SACS: variants seen among roughly 807,000 people sequenced by gnomAD.
SACS encodes sacsin molecular chaperone, also known as sacsin.
SACS carries 197 observed loss-of-function variants against 348.0 expected under a neutral mutation model. The ratio of observed to expected loss-of-function variants is 0.57; its 90% CI spans 0.50 to 0.64. The LOEUF is 0.64. Ranked by LOEUF, SACS falls within the 30% of genes least tolerant of loss-of-function variation. SACS has a pLI of 0.00. For missense variants in SACS, 4,999 were observed against 5,360.8 expected, an observed-to-expected ratio of 0.93 and a Z score of 2.11; for synonymous variants, 1,985 against 1,910.6, an observed-to-expected ratio of 1.04 and a Z score of -1.02.
chr13:23,386,982 A>G (rs1378859945), intron 2 of SACS, among the ~76,000 whole-genome samples: 1 of 152,178 alleles, frequency 6.6e-6, no homozygotes, highest in East Asian at 1.9e-4. Context: ...CAATTACAAT[A>G]GTGACACCAT....
At chr13:23,367,269 T>G (rs1295034003) in intron 5 of SACS, among the ~76,000 whole-genome samples, 1 of 152,234 alleles carries the variant, frequency 6.6e-6, no homozygotes, top group Non-Finnish European at 1.5e-5. Context: ...TGCTGAAAGA[T>G]GGACTGCTCC....
At position 23,336,248 on chromosome 13, in the gene SACS, T is replaced by G; in HGVS notation, c.7628A>C (p.Lys2543Thr). ...TTGAAGAAGCTCTTTCAACATTTCC[T>G]TTTCAGAAGGATATGCATTAAGGAT... The part of the protein sequence containing the change: ...KSILNAYPSE[K>T]EMLKELLQNA... The change falls in exon 10 of 10, where the codon AAG becomes ACG. Residue 2543 changes from lysine to threonine, a missense_variant. By Grantham distance (78) the Lys-to-Thr change is moderately conservative. Around this residue, in one of 6 missense-constraint regions of SACS, gnomAD observed 3,156 missense variants for 3,380.1 expected, o/e 0.93. Coordinates refer to ENST00000382292, the MANE Select transcript of SACS (RefSeq NM_014363.6). 6.2e-7 allele frequency: 1 copy of G among 1,614,090 alleles called. No homozygotes were observed. Among genetic ancestry groups the G allele is most frequent in the Non-Finnish European group, 8.5e-7 (1 of 1,179,946 alleles).
At chr13:23,429,373 T>TTTTC (rs1318392211) in intron 1 of SACS, among the ~76,000 whole-genome samples, 1 of 131,840 alleles carries the variant, frequency 7.6e-6, no homozygotes, top group Non-Finnish European at 1.6e-5. Context: ...TTTTTTTTTT[T>TTTTC]TTTTTTTGAG....
rs755248298 is a variant in SACS at position 23,358,385 on chromosome 13, A to C, written c.554T>G (p.Leu185Arg). The C allele has an allele frequency of 1.1e-5, 17 of 1,614,222 alleles. No homozygotes were observed. The South Asian group carries it at 1.6e-4, about 16-fold the overall frequency. The stretch of plus-strand genomic sequence containing the variant: ...CCCAATTCCAAATCTTCCGACCTTC[A>C]GAGGATCATCCTTTTTCCTGCTTCT... ...IARSRKKDDPLKVGRFGIGFN... is the reference protein window; with the variant it reads ...IARSRKKDDPRKVGRFGIGFN... Residue 185 changes from leucine (L) to arginine (R), a missense_variant, in exon 7 of 10, where the codon CTG becomes CGG. This residue lies in a region of SACS where 3,156 missense variants were observed against 3,380.1 expected (regional missense o/e 0.93). Transcript: ENST00000382292.
At position 23,332,804 on chromosome 13, in the gene SACS, A is replaced by T; in HGVS notation, c.11072T>A (p.Phe3691Tyr). The change falls in exon 10 of 10, where the codon TTC (phenylalanine) becomes TAC (tyrosine). Residue 3691 changes from phenylalanine to tyrosine, a missense_variant. This residue lies in a region of SACS where 831 missense variants were observed against 941.8 expected (regional missense o/e 0.88). Coordinates refer to ENST00000382292, the MANE Select transcript of SACS (RefSeq NM_014363.6). ...CAGCTGGAGTACATCACATTGCTTG[A>T]ATTTTGGATTTACCTGTGCTCCATT... ...KFNGAQVNPK[F>Y]KQCDVLQLLW... 6.2e-7 allele frequency: 1 copy of T among 1,613,876 alleles called. No individual in the cohort carries two copies. The highest frequency in any genetic ancestry group is 8.5e-7 in the Non-Finnish European group (1 of 1,179,956).
Position 23,330,667 on chromosome 13 carries a change from T to C in SACS, c.13209A>G (p.Gln4403=). 10 of 1,614,100 alleles carry C rather than the reference T, an allele frequency of 6.2e-6. No homozygotes were observed. The highest frequency in any genetic ancestry group is 8.5e-6 in the Non-Finnish European group (10 of 1,179,952). ...SFQRFYTSWN[Q]EATSHKSERQ... ...TTTCAGATTTATGGCTCGTTGCTTCTTGATTCCATGAAGTATAGAATCTCT... is the reference window on the plus strand; with the variant it reads ...TTTCAGATTTATGGCTCGTTGCTTCCTGATTCCATGAAGTATAGAATCTCT... The change falls in exon 10 of 10, where the codon CAA becomes CAG. Residue 4403 remains glutamine (Q), a synonymous_variant. Coordinates refer to ENST00000382292, the MANE Select transcript of SACS (RefSeq NM_014363.6).
chr13:23,359,885 T>G (rs1367848041), intron 6 of SACS, among the ~76,000 whole-genome samples: 2 of 152,104 alleles, frequency 1.3e-5, no homozygotes, highest in Non-Finnish European at 2.9e-5. Flanking sequence ...GGGACAGACA[T>G]GGGGATGTGA....
chr13:23,370,609 C>T (rs1294618698), intron 4 of SACS, among the ~76,000 whole-genome samples: 1 of 152,066 alleles, frequency 6.6e-6, no homozygotes, highest in Non-Finnish European at 1.5e-5. Flanking sequence ...CCAATGACAC[C>T]CCATTTCTCC....
intron 6 of SACS, 25 bp from the exon 7 acceptor site, chr13:23,358,506 G>A (rs781046469): frequency 1.2e-6 from 2 of 1,613,132 alleles, no homozygotes; most frequent in South Asian, 1.1e-5. Context: ...GCGCAGGCAG[G>A]AATTCAAAAA....
rs1296017399 is a variant in SACS, at chr13:23,333,027, A to G, written c.10849T>C (p.Ser3617Pro). The change falls in exon 10 of 10, where the codon TCC becomes CCC. Residue 3617 changes from serine to proline, a missense_variant. Coordinates refer to ENST00000382292, the MANE Select transcript of SACS (RefSeq NM_014363.6). ...ACTGTATTTTGCAATGTTTCTTTGG[A>G]CCAGTTTTCTGTATTAGCCCTCACA... ...ISVRANTENW[S>P]KETLQNTVDI... is the part of the protein sequence containing the mutation. 1.2e-6 allele frequency: 2 copies of G among 1,613,970 alleles called. No homozygotes were observed. Among genetic ancestry groups the G allele is most frequent in the Non-Finnish European group, 1.7e-6 (2 of 1,179,916 alleles).
chr13:23,428,541 G>A (rs1874289445), intron 1 of SACS: 1 of 152,154 alleles, frequency 6.6e-6, no homozygotes, highest in Admixed American at 6.5e-5. Flanking sequence ...ACCACAGCCA[G>A]TACCAGACCT....
chr13:23,346,392 C>T (rs1419910204), intron 9 of SACS, among the ~76,000 whole-genome samples: 2 of 152,202 alleles, frequency 1.3e-5, no homozygotes, highest in African/African-American at 2.4e-5. Context: ...GACCCACCTG[C>T]CTCTGCCTCC....
Position 23,339,519 on chromosome 13 carries a change from G to A in SACS, c.4357C>T (p.Gln1453Ter). 6.2e-7 allele frequency: 1 copy of A among 1,612,858 alleles called. No individual in the cohort carries two copies. The highest frequency in any genetic ancestry group is 8.5e-7 in the Non-Finnish European group (1 of 1,179,058). ...LINPENMGFE[Q>*]SGQREPLTVR... Reference sequence around the variant, plus strand: ...GTAAGTGGCTCTCTTTGTCCTGACTGCTCAAATCCCATGTTTTCAGGATTT... The same window carrying A: ...GTAAGTGGCTCTCTTTGTCCTGACTACTCAAATCCCATGTTTTCAGGATTT... The change falls in exon 10 of 10, where the codon CAG (glutamine) becomes TAG (stop). Residue 1453 changes from glutamine (Q) to a stop codon, truncating the protein, a stop_gained. Coordinates refer to ENST00000382292, the MANE Select transcript of SACS (RefSeq NM_014363.6). LOFTEE classifies it high-confidence loss of function.
chr13:23,419,776 A>G (rs923913369), intron 1 of SACS, among the ~76,000 whole-genome samples: 1 of 152,090 alleles, frequency 6.6e-6, no homozygotes. Flanking sequence ...TTATCTTCAG[A>G]ATGATTGAGA....
Position 23,332,692 on chromosome 13 carries a change from T to C in SACS, c.11184A>G (p.Glu3728=). Reference sequence around the variant, plus strand: ...GCATATTTAAAACTTGTTCAAGCTGTTCTTGTGGACCAAGGTCACTACCTT... The same window carrying C: ...GCATATTTAAAACTTGTTCAAGCTGCTCTTGTGGACCAAGGTCACTACCTT... ...EQEGSDLGPQ[E]QLEQVLNMLN... The change falls in exon 10 of 10, where the codon GAA becomes GAG. Residue 3728 remains glutamate, a synonymous_variant. Coordinates refer to ENST00000382292, the MANE Select transcript of SACS (RefSeq NM_014363.6). 1.2e-6 allele frequency: 2 copies of C among 1,614,010 alleles called. No homozygotes were observed. Among genetic ancestry groups the C allele is most frequent in the Non-Finnish European group, 1.7e-6 (2 of 1,179,958 alleles).
At chr13:23,396,386 C>T (rs1475165544) in intron 2 of SACS, among the ~76,000 whole-genome samples, 1 of 150,800 alleles carries the variant, frequency 6.6e-6, no homozygotes, top group East Asian at 1.9e-4. Flanking sequence ...AATCCAGATA[C>T]CAACCCAAAT....
chr13:23,337,703 GA>G lies in SACS; in HGVS notation c.6172del (p.Ser2058LeufsTer19), dbSNP rs1214399996. On this transcript the variant is annotated frameshift_variant, in exon 10 of 10. Coordinates refer to ENST00000382292, the MANE Select transcript of SACS (RefSeq NM_014363.6). LOFTEE classifies it high-confidence loss of function. ...ENTFSEKQFF[S>X]EVFFPNIQEI... is the part of the protein sequence containing the mutation. ...TTGAATATTTGGAAAAAACACTTCA[GA>G]AAAAAACTGTTTCTCTGAAAATGTG... 1 of 1,612,774 alleles carries G rather than the reference GA, an allele frequency of 6.2e-7. No homozygotes were observed. The highest frequency in any genetic ancestry group is 2.2e-5 in the East Asian group (1 of 44,866).
In SACS at chr13:23,337,973, G is replaced by A. The variant is rs201866523; in HGVS notation, c.5903C>T (p.Ala1968Val). ...GGTCAGTTCTTTCCCTTTTCCATGA[G>A]CTATATCTTCATAAAATCCTTGGCA... ...VICQGFYEDI[A>V]HGKGKELTKV... The change falls in exon 10 of 10, where the codon GCT becomes GTT. Residue 1968 changes from alanine to valine, a missense_variant. By Grantham distance (64) the Ala-to-Val change is moderately conservative (BLOSUM62 0). Coordinates refer to ENST00000382292, the MANE Select transcript of SACS (RefSeq NM_014363.6). The A allele has an allele frequency of 1.1e-4, 183 of 1,613,804 alleles. No homozygotes were observed. Among genetic ancestry groups the A allele is most frequent in the Non-Finnish European group, 1.4e-4 (167 of 1,179,930 alleles).
In SACS at chr13:23,330,289, A is replaced by G. The variant is rs767606640; in HGVS notation, c.13587T>C (p.Tyr4529=). 5 of 1,614,232 alleles carry G rather than the reference A, an allele frequency of 3.1e-6. No individual in the cohort carries two copies. The highest frequency in any genetic ancestry group is 4.2e-6 in the Non-Finnish European group (5 of 1,180,018). ...LTNDVHTLEA[Y]GVDSLKTRYP... ...ATCTTGTTTTTAAACTGTCTACACC[A>G]TAAGCTTCCAATGTGTGAACATCAT... Residue 4529 remains tyrosine (Y), a synonymous_variant, in exon 10 of 10, where the codon TAT becomes TAC. Coordinates refer to ENST00000382292, the MANE Select transcript of SACS (RefSeq NM_014363.6).
Sources: gnomAD v4.1 joint callset for allele counts (sites outside exome capture counted in the v4.1 genomes callset) on GRCh38, gnomAD v4.1.1 for gene constraint, gnomAD v4.1.1 regional missense constraint, MANE v1.5 for transcripts, NCBI Gene and HGNC (gene_info 2026-07-23, HGNC 2026-07-21) for gene names.